PKP2: variants seen among roughly 807,000 people sequenced by gnomAD.
PKP2 encodes the protein plakophilin-2.
PKP2 carries 73 observed loss-of-function variants against 83.4 expected under a neutral mutation model. That is an observed-to-expected ratio of 0.88 (90% CI 0.72 to 1.06). PKP2 has a LOEUF of 1.06. Ranked by LOEUF, PKP2 falls within the 50% of genes least tolerant of loss-of-function variation. The pLI is 0.00. For missense variants in PKP2, 966 were observed against 1,065.4 expected (o/e 0.91, Z 1.30); for synonymous variants, 409 against 430.4 (o/e 0.95, Z 0.62).
intron 2 of PKP2, among the ~76,000 whole-genome samples, 185 bp downstream of exon 2, chr12:32,878,735 G>C (rs537763543): frequency 6.6e-6 from 1 of 152,216 alleles, no homozygotes; most frequent in Non-Finnish European, 1.5e-5. Flanking sequence ...ATTTGCACTA[G>C]GATGTAAGAA....
chr12:32,838,204 T>G (rs1393007408), intron 6 of PKP2, among the ~76,000 whole-genome samples: 1 of 152,168 alleles, frequency 6.6e-6, no homozygotes, highest in African/African-American at 2.4e-5. Flanking sequence ...AGGCCATTAT[T>G]CTAAGCAAAT....
chr12:32,832,836 A>C (rs543677147), intron 6 of PKP2, among the ~76,000 whole-genome samples: 68 of 152,386 alleles, frequency 4.5e-4, no homozygotes, highest in African/African-American at 1.6e-3. Context: ...GATAGTCAAG[A>C]AAATTAGACC....
chr12:32,840,975 C>T (rs1956585082), intron 6 of PKP2, 53 bp downstream of exon 6: 1 of 1,365,116 alleles, frequency 7.3e-7, no homozygotes. Flanking sequence ...TTCCTTGGGG[C>T]TACCTAATTT....
In PKP2 at chr12:32,800,905, T is replaced by C. The variant is rs138156635; in HGVS notation, c.2167+1498A>G. ...TCAAGTTTATTTCTCTAGATGTAAG[T>C]AAAACATAACAACTTTATTGCAGGT... On this transcript the variant is annotated intron_variant, in intron 10 of 12. Transcript: ENST00000340811. Among the ~76,000 whole-genome samples, 60 of 152,326 alleles carry C rather than the reference T, an allele frequency of 3.9e-4. 1 individual carries two copies. Among genetic ancestry groups the C allele is most frequent in the African/African-American group, 1.4e-3 (59 of 41,584 alleles).
At chr12:32,845,248 C>G (rs1483436214) in intron 5 of PKP2, among the ~76,000 whole-genome samples, 1 of 152,108 alleles carries the variant, frequency 6.6e-6, no homozygotes, top group Non-Finnish European at 1.5e-5. Flanking sequence ...TATTACAACT[C>G]ATGTTAAATA....
chr12:32,826,305 C>CA (rs71068338), intron 6 of PKP2, among the ~76,000 whole-genome samples: 4,648 of 84,536 alleles, frequency 0.055, 141 homozygotes, highest in African/African-American at 0.092. Flanking sequence ...GACACCGTCT[C>CA]AAAAAAAAAA....
intron 5 of PKP2, among the ~76,000 whole-genome samples, chr12:32,845,914 T>C (rs1956639999): frequency 6.6e-6 from 1 of 152,190 alleles, no homozygotes; most frequent in Non-Finnish European, 1.5e-5. Flanking sequence ...TTCCAAGTTA[T>C]ATATAAACCC....
In PKP2 at chr12:32,868,967, A is replaced by G. The variant is rs397516985; in HGVS notation, c.1130T>C (p.Ile377Thr). Residue 377 changes from isoleucine (I) to threonine (T), a missense_variant, in exon 4 of 13, where the codon ATA becomes ACA. Transcript: ENST00000340811. ...PSRISAAATFIQHECFQKSEA... is the reference protein window; with the variant it reads ...PSRISAAATFTQHECFQKSEA... The stretch of plus-strand genomic sequence containing the variant: ...AGATTTCTGGAAGCACTCGTGCTGT[A>G]TGAAAGTAGCTGCAGCAGAAATCCT... 9.9e-6 allele frequency: 16 copies of G among 1,613,848 alleles called. No individual in the cohort carries two copies. The highest frequency in any genetic ancestry group is 1.3e-5 in the African/African-American group (1 of 74,948).
intron 5 of PKP2, among the ~76,000 whole-genome samples, chr12:32,846,337 G>T (rs933882902): frequency 1.4e-4 from 22 of 152,250 alleles, no homozygotes; most frequent in African/African-American, 5.3e-4. Context: ...TCACCGGGGT[G>T]GGGGGAGTGG....
chr12:32,851,431 A>G (rs1447636203), intron 4 of PKP2, among the ~76,000 whole-genome samples: 1 of 152,148 alleles, frequency 6.6e-6, no homozygotes, highest in Non-Finnish European at 1.5e-5. Flanking sequence ...ATAAAAATGC[A>G]TTTACCATGT....
chr12:32,804,696 T>G (rs1257272452), intron 9 of PKP2, among the ~76,000 whole-genome samples: 1 of 152,230 alleles, frequency 6.6e-6, no homozygotes, highest in Admixed American at 6.5e-5. Context: ...TTATTCAATC[T>G]ATCACTGGTG....
At chr12:32,873,449 C>T (rs1298917634) in intron 3 of PKP2, among the ~76,000 whole-genome samples, 1 of 151,986 alleles carries the variant, frequency 6.6e-6, no homozygotes, top group African/African-American at 2.4e-5. Flanking sequence ...ATCACACAAC[C>T]TAGCACTTGA....
intron 1 of PKP2, 27 bp from the exon 2 acceptor site, chr12:32,879,059 C>T: frequency 8.8e-7 from 1 of 1,139,370 alleles, no homozygotes; most frequent in South Asian, 1.2e-5. Context: ...ATTAAAATAA[C>T]TCAGAATACA....
At chr12:32,793,105 G>T (rs551782353) in intron 11 of PKP2, among the ~76,000 whole-genome samples, 1 of 152,142 alleles carries the variant, frequency 6.6e-6, no homozygotes, top group Admixed American at 6.5e-5. Context: ...GCTGGGCGTG[G>T]CAGTGTGTGC....
intron 9 of PKP2, among the ~76,000 whole-genome samples, chr12:32,818,233 G>A (rs1363395344): frequency 1.3e-5 from 2 of 152,206 alleles, no homozygotes; most frequent in Non-Finnish European, 2.9e-5. Context: ...AGACTGAAGT[G>A]GGCAGATCAC....
rs57690055 is a variant in PKP2 at position 32,796,318 on chromosome 12, AC to A, written c.2168-21del. The A allele has an allele frequency of 0.12, 184,201 of 1,485,618 alleles. 4,679 individuals are homozygous for A. The highest frequency in any genetic ancestry group is 0.41 in the East Asian group (15,765 of 38,540). 92.0% of individuals were successfully genotyped at this position (1,485,618 alleles called of 1,614,324 possible). ...CTTTGGCTACAAAATGAAAAAAAAA[AC>A]AAAACACTTGATTAAAAAGATTGTT... On this transcript the variant is annotated intron_variant, in intron 10 of 12. Coordinates refer to ENST00000340811, the MANE Select transcript of PKP2 (RefSeq NM_001005242.3).
At chr12:32,820,348 A>G (rs1163367543) in intron 9 of PKP2, 2 of 152,270 alleles carry the variant, frequency 1.3e-5, no homozygotes, top group African/African-American at 2.4e-5. Flanking sequence ...GACCAAGGCA[A>G]AGAATACAAG....
chr12:32,863,580 G>C (rs1956820686), intron 4 of PKP2: 1 of 154,862 alleles, frequency 6.5e-6, no homozygotes, highest in South Asian at 2.0e-4. Context: ...CAAATCCCTT[G>C]AAAGACTCCC....
intron 1 of PKP2, among the ~76,000 whole-genome samples, chr12:32,891,732 A>G (rs1957076884): frequency 6.6e-6 from 1 of 152,172 alleles, no homozygotes; most frequent in Non-Finnish European, 1.5e-5. Context: ...AGAACAATGT[A>G]CTTTCATAAT....
Sources: allele counts gnomAD v4.1 joint callset (sites outside exome capture counted in the v4.1 genomes callset), GRCh38; gene constraint gnomAD v4.1.1; transcripts MANE v1.5; gene names NCBI Gene and HGNC (gene_info 2026-07-23, HGNC 2026-07-21).